The following FGF13 variants were observed in gnomAD, a reference collection of about 807,000 sequenced individuals.
FGF13 encodes fibroblast growth factor 13.
A neutral mutation model predicts 19.5 loss-of-function variants in FGF13; 2 were observed. The observed-to-expected ratio is 0.10, with a 90% CI of 0.04 to 0.32. FGF13 has a LOEUF of 0.32. FGF13 is among the 10% of genes least tolerant of loss of function. FGF13 has a pLI of 1.00. For synonymous variants in FGF13, 72 were observed against 76.9 expected, an observed-to-expected ratio of 0.94 and a Z score of 0.33; for missense variants, 113 against 192.7, an observed-to-expected ratio of 0.59 and a Z score of 2.45.
At chrX:138,689,611 G>A (rs1255118365) in intron 3 of FGF13, among the ~76,000 whole-genome samples, 2 of 112,251 alleles carry the variant, frequency 1.8e-5, no homozygotes, top group Admixed American at 9.4e-5. Flanking sequence ...ATGAGTTATA[G>A]AGAAGAAAAG....
intron 1 of FGF13, among the ~76,000 whole-genome samples, chrX:138,923,056 A>G (rs1383629824): frequency 8.9e-6 from 1 of 112,652 alleles, no homozygotes; most frequent in Non-Finnish European, 1.9e-5. Flanking sequence ...ACACGATTTC[A>G]AGGTATTTTG....
intron 1 of FGF13, among the ~76,000 whole-genome samples, chrX:139,120,120 C>T (rs2083667354): frequency 8.9e-6 from 1 of 112,580 alleles, no homozygotes; most frequent in Non-Finnish European, 1.9e-5. Context: ...CCATGTAAGA[C>T]ATGCCTTGCT....
intron 3 of FGF13, among the ~76,000 whole-genome samples, chrX:138,762,034 T>A (rs139572150): frequency 0.016 from 1,747 of 109,770 alleles, 26 homozygotes; most frequent in African/African-American, 0.055. Context: ...CCACTTTCTA[T>A]ATGTGACCAT....
At chrX:139,018,002 G>C (rs1244884133) in intron 1 of FGF13, among the ~76,000 whole-genome samples, 1 of 111,625 alleles carries the variant, frequency 9.0e-6, no homozygotes. Context: ...AGTAATTCTA[G>C]AATGGTTCCA....
chrX:139,054,806 C>T (rs1451823785), intron 1 of FGF13, among the ~76,000 whole-genome samples: 1 of 109,050 alleles, frequency 9.2e-6, no homozygotes, highest in Non-Finnish European at 1.9e-5. Context: ...TGTAGTCTTC[C>T]TTTGTAGTTT....
chrX:138,956,387 T>C (rs2091841503), intron 1 of FGF13, among the ~76,000 whole-genome samples: 1 of 109,900 alleles, frequency 9.1e-6, no homozygotes, highest in Non-Finnish European at 1.9e-5. Context: ...CAAATGGGGG[T>C]GATTATTTAT....
chrX:138,887,187 C>T (rs750580717), intron 1 of FGF13, among the ~76,000 whole-genome samples: 75 of 111,664 alleles, frequency 6.7e-4, no homozygotes, highest in Non-Finnish European at 1.1e-3. Context: ...CAAATCAGTA[C>T]AAGTATTTAC....
At chrX:139,133,137 T>C (rs1312667022) in intron 1 of FGF13, among the ~76,000 whole-genome samples, 2 of 110,664 alleles carry the variant, frequency 1.8e-5, no homozygotes, top group Non-Finnish European at 3.8e-5. Context: ...GAGGGACATA[T>C]GTTCTCAGGA....
intron 1 of FGF13, among the ~76,000 whole-genome samples, chrX:139,095,209 G>A (rs757513037): frequency 8.9e-6 from 1 of 111,918 alleles, no homozygotes; most frequent in South Asian, 3.8e-4. Flanking sequence ...ACAAAGCAGA[G>A]ACTTGTTTCT....
chrX:139,133,505 C>T (rs1241108556), intron 1 of FGF13, among the ~76,000 whole-genome samples: 3 of 111,115 alleles, frequency 2.7e-5, no homozygotes, highest in Non-Finnish European at 5.7e-5. Flanking sequence ...CTCCACTTAA[C>T]ATAGCAAAGG....
intron 1 of FGF13, among the ~76,000 whole-genome samples, chrX:139,064,678 T>A (rs1299759216): frequency 9.0e-6 from 1 of 111,422 alleles, no homozygotes; most frequent in Non-Finnish European, 1.9e-5. Flanking sequence ...AAGGAATATC[T>A]TTGTGGTGTT....
At chrX:138,831,579 T>C (rs1267286597) in intron 3 of FGF13, among the ~76,000 whole-genome samples, 1 of 112,145 alleles carries the variant, frequency 8.9e-6, no homozygotes, top group Non-Finnish European at 1.9e-5. Flanking sequence ...CAACTAACCC[T>C]TCCTGCCTAT....
intron 1 of FGF13, among the ~76,000 whole-genome samples, chrX:138,913,699 AGG>A (rs2091603803): frequency 3.8e-5 from 4 of 104,352 alleles, no homozygotes; most frequent in Non-Finnish European, 3.9e-5. Context: ...GAAGGAAGGA[AGG>A]AAGGAAAGAA....
At position 139,138,083 on chromosome X, in the gene FGF13, C is replaced by T. The variant is rs139682436; in HGVS notation, c.-113+65333G>A. Among the ~76,000 whole-genome samples, 11 of 112,408 alleles carry T rather than the reference C, an allele frequency of 9.8e-5. No individual in the cohort carries two copies. The East Asian group carries it at 2.8e-3, about 29-fold the overall frequency. On this transcript the variant is annotated intron_variant, in intron 1 of 2. Transcript: ENST00000421460. ...ATCATAAACAATAATAACAATAGTA[C>T]ACACCATTTATGAAGCACTTACTGG...
intron 1 of FGF13, among the ~76,000 whole-genome samples, chrX:139,073,516 G>C (rs770591167): frequency 3.6e-5 from 4 of 111,335 alleles, no homozygotes; most frequent in African/African-American, 9.8e-5. Flanking sequence ...AAGGTGTTAA[G>C]GTAATTATAT....
exon 3 of FGF13, chrX:138,857,518 G>T (rs753623002): frequency 8.4e-7 from 1 of 1,193,824 alleles, no homozygotes; most frequent in Non-Finnish European, 1.1e-6. Flanking sequence ...AAACCTTCCG[G>T]CTCTGTGTTC....
chrX:138,682,407 G>A (rs1316515062), intron 3 of FGF13, among the ~76,000 whole-genome samples: 1 of 112,963 alleles, frequency 8.9e-6, no homozygotes, highest in African/African-American at 3.2e-5. Flanking sequence ...ATAGTGGAAA[G>A]CTACATCATT....
intron 1 of FGF13, among the ~76,000 whole-genome samples, chrX:138,946,057 T>C (rs2091780418): frequency 8.9e-6 from 1 of 111,797 alleles, no homozygotes; most frequent in South Asian, 3.7e-4. Flanking sequence ...GCTGAAGTTC[T>C]GGCTCTGCCA....
intron 1 of FGF13, among the ~76,000 whole-genome samples, chrX:139,034,240 C>T: frequency 9.0e-6 from 1 of 111,562 alleles, no homozygotes; most frequent in East Asian, 2.8e-4. Flanking sequence ...TAAGTAATCA[C>T]CATTCATTGG....
Sources: gnomAD v4.1 joint callset for allele counts (sites outside exome capture counted in the v4.1 genomes callset) on GRCh38, gnomAD v4.1.1 for gene constraint, MANE v1.5 for transcripts, NCBI Gene and HGNC (gene_info 2026-07-23, HGNC 2026-07-21) for gene names.